Variants in LGI4 observed in about 807,000 individuals in gnomAD.
LGI4 encodes leucine rich repeat LGI family member 4, also known as leucine-rich repeat LGI family member 4.
In LGI4, 36 loss-of-function variants were observed where a neutral mutation model predicts 48.3. The observed-to-expected ratio is 0.75, with a 90% CI of 0.57 to 0.98. The LOEUF is 0.98. LGI4 is among the 50% of genes least tolerant of loss of function. LGI4 has a pLI of 0.00. For missense variants in LGI4, 701 were observed against 732.1 expected (o/e 0.96, Z 0.49); for synonymous variants, 355 against 331.6 (o/e 1.07, Z -0.77).
intron 3 of LGI4, among the ~76,000 whole-genome samples, 160 bp from the exon 4 acceptor site, chr19:35,132,202 A>G (rs557782812): frequency 3.2e-4 from 49 of 152,194 alleles, no homozygotes; most frequent in South Asian, 2.3e-3. Context: ...AGTCCCAGCC[A>G]TCAATTCTAG....
chr19:35,130,309 G>A (rs975593373), intron 6 of LGI4, among the ~76,000 whole-genome samples: 4 of 152,276 alleles, frequency 2.6e-5, no homozygotes, highest in Middle Eastern at 3.4e-3. Context: ...TCCACCTTGC[G>A]AGAAATACCC....
At chr19:35,131,762 C>A (rs746971682) in intron 5 of LGI4, 27 bp downstream of exon 5, 6 of 1,523,426 alleles carry the variant, frequency 3.9e-6, no homozygotes, top group East Asian at 2.4e-5. Context: ...CCCAACCCCC[C>A]ACATTCCCAG....
chr19:35,126,334 G>A lies in LGI4; in HGVS notation c.1235C>T (p.Thr412Ile). Reference protein sequence around the residue: ...DIPEAEDVYATRHFQAGGDVF... With the variant: ...DIPEAEDVYAIRHFQAGGDVF... ...GTCCCCACCAGCCTGGAAGTGGCGT[G>A]TGGCATAGACATCCTCGGCCTCGGG... Residue 412 changes from threonine to isoleucine, a missense_variant, in exon 8 of 9, where the codon ACA becomes ATA. Thr to Ile is a moderately conservative substitution (Grantham distance 89). Coordinates refer to ENST00000310123, the MANE Select transcript of LGI4 (RefSeq NM_139284.3). 1 of 1,611,772 alleles carries A rather than the reference G, an allele frequency of 6.2e-7. No homozygotes were observed. Among genetic ancestry groups the A allele is most frequent in the South Asian group, 1.1e-5 (1 of 90,468 alleles).
chr19:35,125,611 T>C lies in LGI4; in HGVS notation c.1300-104A>G, dbSNP rs1470035371. On this transcript the variant is annotated intron_variant, in intron 8 of 8. Transcript: ENST00000310123. Reference sequence around the variant, plus strand: ...GTCGGTCCCAAAACTCCCATAGCTTTCTTATCTTCATAAAAGTCACCACCC... The same window carrying C: ...GTCGGTCCCAAAACTCCCATAGCTTCCTTATCTTCATAAAAGTCACCACCC... The C allele has an allele frequency of 4.0e-6, 4 of 1,005,726 alleles. No individual in the cohort carries two copies. In the East Asian group the frequency reaches 7.9e-5, roughly 20 times the overall value. The allele number at this position is 1,005,726 out of a possible 1,614,324, so 62.3% of individuals were successfully genotyped here. A position where few individuals can be genotyped will look rare whatever the true frequency, so the allele number is the denominator to read the frequency against.
Position 35,125,372 on chromosome 19 carries a change from G to A in LGI4, c.1435C>T (p.Leu479Phe). ...LGSDFAFSQV[L>F]RLEPDKGLLE... ...AGCCCCTTGTCAGGCTCAAGGCGGA[G>A]GACCTGGCTGAAGGCGAAGTCGCTG... The change falls in exon 9 of 9, where the codon CTC becomes TTC. Residue 479 changes from leucine to phenylalanine, a missense_variant. This residue lies in a region of LGI4 where 223 missense variants were observed against 263.3 expected (regional missense o/e 0.85). Transcript: ENST00000310123. 2 of 1,613,414 alleles carry A rather than the reference G, an allele frequency of 1.2e-6. No homozygotes were observed. Among genetic ancestry groups the A allele is most frequent in the Non-Finnish European group, 1.7e-6 (2 of 1,179,636 alleles).
At position 35,126,995 on chromosome 19, in the gene LGI4, C is replaced by T. The variant is rs1340876412; in HGVS notation, c.651G>A (p.Val217=). The T allele has an allele frequency of 1.2e-6, 2 of 1,601,790 alleles. No individual in the cohort carries two copies. The change falls in exon 7 of 9, where the codon GTG becomes GTA. Residue 217 remains valine (V), a synonymous_variant. Transcript: ENST00000310123. ...GCTCTACGCTCAGTGCCGACTCCCC[C>T]ACCGTCTGGAACCAGGACAGCTCTG... ...RAIELSWFQT[V]GESALSVEPF...
At position 35,131,520 on chromosome 19, in the gene LGI4, C is replaced by A. The variant is rs547959045; in HGVS notation, c.494G>T (p.Arg165Leu). 1 of 1,551,116 alleles carries A rather than the reference C, an allele frequency of 6.4e-7. No individual in the cohort carries two copies. Among genetic ancestry groups the A allele is most frequent in the African/African-American group, 1.4e-5 (1 of 73,036 alleles). The change falls in exon 6 of 9, where the codon CGC becomes CTC. Residue 165 changes from arginine to leucine, a missense_variant. Transcript: ENST00000310123. Reference sequence around the variant, plus strand: ...CATCCACTGCAGGAGCCAGAGGACGCGGCAGTCACACTGGAACGGGTTCCC... The same window carrying A: ...CATCCACTGCAGGAGCCAGAGGACGAGGCAGTCACACTGGAACGGGTTCCC... ...LRGNPFQCDCRVLWLLQWMPT... is the reference protein window; with the variant it reads ...LRGNPFQCDCLVLWLLQWMPT...
In LGI4 at chr19:35,125,280, A is replaced by G; in HGVS notation, c.1527T>C (p.Thr509=). The G allele has an allele frequency of 6.2e-7, 1 of 1,605,214 alleles. No individual in the cohort carries two copies. Among genetic ancestry groups the G allele is most frequent in the Non-Finnish European group, 8.5e-7 (1 of 1,174,726 alleles). Residue 509 remains threonine (T), a synonymous_variant, in exon 9 of 9, where the codon ACT becomes ACC. Transcript: ENST00000310123. ...CAAAGAGGAAGCGTCTGCCGGCCAT[A>G]GTGATGTGGGCAAAGGCACGGGGGG... ...LVAPRAFAHI[T]MAGRRFLFAA...
At chr19:35,130,358 GATA>G (rs1202765242) in intron 6 of LGI4, among the ~76,000 whole-genome samples, 1 of 152,124 alleles carries the variant, frequency 6.6e-6, no homozygotes, top group South Asian at 2.1e-4. Context: ...TATTGTTATA[GATA>G]ATAATAATTA....
Position 35,134,739 on chromosome 19 carries a change from C to A in LGI4, c.-59G>T. The A allele has an allele frequency of 1.1e-6, 1 of 922,344 alleles. No individual in the cohort carries two copies. Among genetic ancestry groups the A allele is most frequent in the Admixed American group, 2.8e-5 (1 of 35,592 alleles). 57.1% of individuals were successfully genotyped at this position (922,344 alleles called of 1,614,324 possible). ...CCGGCCCACCCAGCTCAGCCCAGGC[C>A]ACTACGTCTCCTCCTCCACCAGGCC... On this transcript the variant is annotated 5_prime_UTR_variant, in exon 1 of 9. Transcript: ENST00000310123.
At chr19:35,131,584 G>A (rs1016457794) in intron 5 of LGI4, 29 bp from the exon 6 acceptor site, 8 of 1,543,422 alleles carry the variant, frequency 5.2e-6, no homozygotes, top group Admixed American at 2.0e-5. Context: ...GAGGGGCTGC[G>A]ACCCGGCTTC....
At chr19:35,128,962 C>T (rs2065157834) in intron 6 of LGI4, among the ~76,000 whole-genome samples, 1 of 152,166 alleles carries the variant, frequency 6.6e-6, no homozygotes, top group Admixed American at 6.5e-5. Flanking sequence ...ACCTAACATC[C>T]CCACTTGAGA....
intron 6 of LGI4, chr19:35,130,947 C>T (rs1047832706): frequency 4.8e-6 from 2 of 416,544 alleles, no homozygotes; most frequent in East Asian, 5.4e-5. Flanking sequence ...CAGGGCTGGC[C>T]TCATCATTCT....
At chr19:35,128,615 G>A (rs550691977) in intron 6 of LGI4, among the ~76,000 whole-genome samples, 4 of 152,310 alleles carry the variant, frequency 2.6e-5, no homozygotes, top group African/African-American at 9.6e-5. Context: ...GGAGGCTGGG[G>A]CAGGAGGATC....
chr19:35,134,122 G>T lies in LGI4; in HGVS notation c.171-18C>A. ...CGAGTGAGCTGGGGATGTGGGCAGT[G>T]GTAGGTGAGAGGGACACCACAGCAA... On this transcript the variant is annotated intron_variant, in intron 1 of 8. Transcript: ENST00000310123. 1.9e-6 allele frequency: 3 copies of T among 1,557,748 alleles called. No homozygotes were observed. Among genetic ancestry groups the T allele is most frequent in the South Asian group, 1.2e-5 (1 of 84,378 alleles).
Position 35,124,524 on chromosome 19 carries a change from G to C in LGI4, c.*669C>G, listed in dbSNP as rs966854896. ...CAACACTGGGCGGGGAGGGTGCACAGCGCATTTATTGAGCTCGGACTCGTC... is the reference window on the plus strand; with the variant it reads ...CAACACTGGGCGGGGAGGGTGCACACCGCATTTATTGAGCTCGGACTCGTC... On this transcript the variant is annotated 3_prime_UTR_variant, in exon 9 of 9. Coordinates refer to ENST00000310123, the MANE Select transcript of LGI4 (RefSeq NM_139284.3). 1 of 152,258 alleles carries C rather than the reference G, an allele frequency of 6.6e-6. No homozygotes were observed. The highest frequency in any genetic ancestry group is 1.5e-5 in the Non-Finnish European group (1 of 68,066). The allele number at this position is 152,258 out of a possible 1,614,324, so 9.4% of individuals were successfully genotyped here.
intron 6 of LGI4, among the ~76,000 whole-genome samples, chr19:35,128,952 A>G (rs1600472587): frequency 6.6e-6 from 1 of 152,150 alleles, no homozygotes; most frequent in African/African-American, 2.4e-5. Flanking sequence ...CCACATCGAG[A>G]CCTAACATCC....
intron 6 of LGI4, among the ~76,000 whole-genome samples, chr19:35,128,849 A>C (rs1299931333): frequency 6.6e-6 from 1 of 152,086 alleles, no homozygotes; most frequent in African/African-American, 2.4e-5. Flanking sequence ...CCTTCGTTTG[A>C]TCTTCAAACA....
rs200610703 is a variant in LGI4, at chr19:35,125,151, C to T, written c.*42G>A. The T allele has an allele frequency of 4.0e-6, 6 of 1,487,392 alleles. No individual in the cohort carries two copies. Among genetic ancestry groups the T allele is most frequent in the East Asian group, 2.3e-5 (1 of 43,560 alleles). 92.1% of individuals were successfully genotyped at this position (1,487,392 alleles called of 1,614,324 possible). ...TAGGGCCAGGAGCCAGCCAAGGGGC[C>T]GTCCAGGGGCCCCAGCCATGCCCAG... On this transcript the variant is annotated 3_prime_UTR_variant, in exon 9 of 9. Transcript: ENST00000310123.
Sources: gnomAD v4.1 joint callset for allele counts (sites outside exome capture counted in the v4.1 genomes callset) on GRCh38, gnomAD v4.1.1 for gene constraint, gnomAD v4.1.1 regional missense constraint, MANE v1.5 for transcripts, NCBI Gene and HGNC (gene_info 2026-07-23, HGNC 2026-07-21) for gene names.